ATPSCKMT: variants seen among roughly 807,000 people sequenced by gnomAD.
ATPSCKMT encodes the protein ATP synthase c subunit lysine N-methyltransferase.
Under a neutral mutation model 24.3 loss-of-function variants are expected in ATPSCKMT, and 24 were observed. That is an observed-to-expected ratio of 0.99 (90% confidence interval 0.71 to 1.39). The LOEUF is 1.39. ATPSCKMT is among the 40% of genes most tolerant of loss of function. The probability of loss-of-function intolerance (pLI) is 0.00; values close to 1 mark genes in which losing one functional copy is unlikely to be tolerated. For missense variants in ATPSCKMT, 311 were observed against 298.4 expected (o/e 1.04, Z -0.31); for synonymous variants, 95 against 110.5 (o/e 0.86, Z 0.88).
Position 10,235,200 on chromosome 5 carries a change from T to C in ATPSCKMT, c.495+11A>G, listed in dbSNP as rs1340805649. 1.9e-6 allele frequency: 3 copies of C among 1,613,398 alleles called. No homozygotes were observed. The South Asian group carries it at 3.3e-5, about 18-fold the overall frequency. The stretch of plus-strand genomic sequence containing the variant: ...TAACCCCAAACAGAGAGCAGGAAAG[T>C]GCATACTCACCATCTGAGGCACACC... On this transcript the variant is annotated intron_variant, in intron 4 of 4. Coordinates refer to ENST00000511437, the MANE Select transcript of ATPSCKMT (RefSeq NM_199133.4).
intron 2 of ATPSCKMT, 147 bp downstream of exon 2, chr5:10,238,920 G>A: frequency 2.1e-6 from 2 of 948,258 alleles, no homozygotes; most frequent in Non-Finnish European, 3.1e-6. Context: ...ACTGGTAGTT[G>A]AATAGTTTGG....
At chr5:10,236,712 A>G in intron 2 of ATPSCKMT, 97 bp from the exon 3 acceptor site, 1 of 1,528,320 alleles carries the variant, frequency 6.5e-7, no homozygotes, top group Non-Finnish European at 8.8e-7. Flanking sequence ...TTAAACATCC[A>G]ATCAAAAAGC....
chr5:10,249,689 C>T, intron 1 of ATPSCKMT, 169 bp downstream of exon 1: 3 of 1,123,738 alleles, frequency 2.7e-6, no homozygotes, highest in Non-Finnish European at 3.7e-6. Context: ...GCGCGGGCAC[C>T]GCGCGGCGAC....
intron 3 of ATPSCKMT, among the ~76,000 whole-genome samples, chr5:10,235,943 AT>A (rs1744357065): frequency 6.6e-6 from 1 of 152,232 alleles, no homozygotes; most frequent in African/African-American, 2.4e-5. Context: ...GAAAATTCTT[AT>A]TTAAGAAAAA....
At chr5:10,231,784 C>A (rs1253244586) in intron 4 of ATPSCKMT, among the ~76,000 whole-genome samples, 1 of 152,050 alleles carries the variant, frequency 6.6e-6, no homozygotes, top group African/African-American at 2.4e-5. Flanking sequence ...GTATTCCAAG[C>A]GATTAGAACA....
At chr5:10,229,930 C>T (rs1272595824) in intron 4 of ATPSCKMT, among the ~76,000 whole-genome samples, 1 of 152,224 alleles carries the variant, frequency 6.6e-6, no homozygotes, top group Non-Finnish European at 1.5e-5. Flanking sequence ...TCAGGCTTAA[C>T]AAAATGTTCC....
chr5:10,229,297 C>T (rs555521880), intron 4 of ATPSCKMT, among the ~76,000 whole-genome samples: 21 of 152,260 alleles, frequency 1.4e-4, no homozygotes, highest in Admixed American at 1.2e-3. Context: ...CTTTGGTTTT[C>T]GTGACAATAA....
chr5:10,239,048 A>G lies in ATPSCKMT; in HGVS notation c.306+19T>C. The G allele has an allele frequency of 1.2e-6, 2 of 1,602,716 alleles. No homozygotes were observed. Among genetic ancestry groups the G allele is most frequent in the South Asian group, 2.2e-5 (2 of 89,596 alleles). ...TTAAGTTCTGGTTTCAAACCTTAAA[A>G]TGTTTTAGCAGAACTCACAATGCGT... On this transcript the variant is annotated intron_variant, in intron 2 of 4. Coordinates refer to ENST00000511437, the MANE Select transcript of ATPSCKMT (RefSeq NM_199133.4).
rs548769062 is a variant in ATPSCKMT, at chr5:10,234,907, G to A, written c.495+304C>T. Among the ~76,000 whole-genome samples the A allele has an allele frequency of 3.3e-5, 5 of 152,324 alleles. No homozygotes were observed. The South Asian group carries it at 8.3e-4, about 25-fold the overall frequency. On this transcript the variant is annotated intron_variant, in intron 4 of 4. Transcript: ENST00000511437. ...TTCAGCGAAGTGGAAGTGAGCGGCT[G>A]TGAAAACTGCAAACTACATTAGACA...
At chr5:10,234,965 T>G (rs1744309015) in intron 4 of ATPSCKMT, among the ~76,000 whole-genome samples, 2 of 152,240 alleles carry the variant, frequency 1.3e-5, no homozygotes, top group East Asian at 3.8e-4. Context: ...CAAACTGGAA[T>G]GTTTAAGGCT....
At position 10,239,206 on chromosome 5, in the gene ATPSCKMT, G is replaced by C; in HGVS notation, c.167C>G (p.Thr56Arg). 1 of 1,614,174 alleles carries C rather than the reference G, an allele frequency of 6.2e-7. No individual in the cohort carries two copies. The highest frequency in any genetic ancestry group is 1.1e-5 in the South Asian group (1 of 91,092). The part of the protein sequence containing the change: ...GTLVAVYAVA[T>R]PFVTPALRKV... ...TCGAAGGGCTGGCGTTACAAACGGC[G>C]TGGCTACAGCGTACACAGCCACCAG... The change falls in exon 2 of 5, where the codon ACG becomes AGG. Residue 56 changes from threonine to arginine, a missense_variant. By Grantham distance (71) the Thr-to-Arg change is moderately conservative (BLOSUM62 -1). Transcript: ENST00000511437.
At chr5:10,231,293 C>A (rs1744121859) in intron 4 of ATPSCKMT, among the ~76,000 whole-genome samples, 1 of 152,196 alleles carries the variant, frequency 6.6e-6, no homozygotes, top group Admixed American at 6.5e-5. Flanking sequence ...ACAATGCACA[C>A]AGAATTTGAT....
chr5:10,236,771 T>C (rs1237569457), intron 2 of ATPSCKMT, 156 bp from the exon 3 acceptor site: 3 of 1,465,654 alleles, frequency 2.0e-6, no homozygotes, highest in Admixed American at 2.4e-5. Flanking sequence ...TAAAGCGATA[T>C]AGCTTTGTGG....
chr5:10,243,222 G>C (rs1006151945), intron 1 of ATPSCKMT, among the ~76,000 whole-genome samples: 6 of 151,994 alleles, frequency 3.9e-5, no homozygotes, highest in South Asian at 2.1e-4. Context: ...ACAGTGGCTC[G>C]CGCCTGTAAT....
At chr5:10,248,919 G>A (rs186936018) in intron 1 of ATPSCKMT, among the ~76,000 whole-genome samples, 1 of 152,282 alleles carries the variant, frequency 6.6e-6, no homozygotes, top group African/African-American at 2.4e-5. Context: ...GGCAGCATAA[G>A]AGATTTAGAG....
rs913600999 is a variant in ATPSCKMT, at chr5:10,236,926, A to C, written c.307-311T>G. 5.2e-6 allele frequency: 7 copies of C among 1,351,464 alleles called. 1 individual carries two copies. The highest frequency in any genetic ancestry group is 6.8e-6 in the Non-Finnish European group (7 of 1,030,864). 83.7% of individuals were successfully genotyped at this position (1,351,464 alleles called of 1,614,324 possible). A position where few individuals can be genotyped will look rare whatever the true frequency, so the allele number is the denominator to read the frequency against. On this transcript the variant is annotated intron_variant, in intron 2 of 4. Coordinates refer to ENST00000511437, the MANE Select transcript of ATPSCKMT (RefSeq NM_199133.4). ...CCAACCCCCGGGGAGGTCGAACAAA[A>C]CATTGCTGAAAATCCACTGCATCTC...
chr5:10,245,974 G>A (rs7736523), intron 1 of ATPSCKMT, among the ~76,000 whole-genome samples: 85,691 of 151,966 alleles, frequency 0.56, 25,840 homozygotes, highest in Non-Finnish European at 0.68. Context: ...ATAATTTAAT[G>A]TTTCTTTTTA....
intron 1 of ATPSCKMT, among the ~76,000 whole-genome samples, chr5:10,247,873 G>A (rs1297183082): frequency 6.6e-6 from 1 of 152,158 alleles, no homozygotes; most frequent in East Asian, 1.9e-4. Context: ...CACAGAATGA[G>A]GTTAACTTCT....
At chr5:10,234,702 C>T (rs1283323954) in intron 4 of ATPSCKMT, among the ~76,000 whole-genome samples, 1 of 152,198 alleles carries the variant, frequency 6.6e-6, no homozygotes, top group African/African-American at 2.4e-5. Flanking sequence ...CAGTACAATA[C>T]TGTGGCATTT....
Sources: allele counts gnomAD v4.1 joint callset (sites outside exome capture counted in the v4.1 genomes callset), GRCh38; gene constraint gnomAD v4.1.1; transcripts MANE v1.5; gene names NCBI Gene and HGNC (gene_info 2026-07-23, HGNC 2026-07-21).